Variants in DISP1 observed in about 807,000 individuals in gnomAD.
The protein encoded by DISP1 is dispatched RND transporter family member 1, also known as protein dispatched homolog 1.
In DISP1, 30 loss-of-function variants were observed where a neutral mutation model predicts 37.3. That is an observed-to-expected ratio of 0.80 (90% CI 0.60 to 1.09). The LOEUF (loss-of-function observed/expected upper bound fraction) is 1.09. DISP1 is among the 50% of genes least tolerant of loss of function. DISP1 has a pLI of 0.00. For synonymous variants in DISP1, 634 were observed against 690.2 expected, an observed-to-expected ratio of 0.92 and a Z score of 1.28; for missense variants, 1,598 against 1,879.5, an observed-to-expected ratio of 0.85 and a Z score of 2.77.
chr1:222,832,220 G>A (rs765733400), intron 1 of DISP1, among the ~76,000 whole-genome samples: 10 of 152,092 alleles, frequency 6.6e-5, no homozygotes, highest in Non-Finnish European at 1.5e-5. Flanking sequence ...GCAGTGAGCC[G>A]AGATTGCACC....
rs114605269 is a variant in DISP1, at chr1:222,819,159, C to T, written c.-159+4081C>T. Among the ~76,000 whole-genome samples the T allele has an allele frequency of 2.4e-3, 365 of 152,240 alleles. 3 individuals are homozygous for T. Among genetic ancestry groups the T allele is most frequent in the African/African-American group, 8.5e-3 (354 of 41,530 alleles). On this transcript the variant is annotated intron_variant, in intron 1 of 8. Coordinates refer to ENST00000675850, the MANE Select transcript of DISP1 (RefSeq NM_001377229.1). ...GTGTCCCACCTGCCCCTGTGCTCGT[C>T]GTTTCTCCTGCTCCAGCCATGTAGG...
chr1:222,974,719 T>C (rs948379935), intron 3 of DISP1, among the ~76,000 whole-genome samples: 1 of 152,202 alleles, frequency 6.6e-6, no homozygotes, highest in Non-Finnish European at 1.5e-5. Flanking sequence ...CATTGAGCTC[T>C]GGTGCATGAA....
intron 3 of DISP1, among the ~76,000 whole-genome samples, chr1:222,969,847 G>A (rs1399199589): frequency 6.6e-6 from 1 of 151,956 alleles, no homozygotes; most frequent in Non-Finnish European, 1.5e-5. Flanking sequence ...TAGGCTTCAG[G>A]AAAATGTGTT....
At chr1:222,816,541 A>G (rs547586584) in intron 1 of DISP1, among the ~76,000 whole-genome samples, 1 of 152,362 alleles carries the variant, frequency 6.6e-6, no homozygotes, top group East Asian at 1.9e-4. Flanking sequence ...GGTAACTTTT[A>G]GATCTGATTT....
intron 1 of DISP1, among the ~76,000 whole-genome samples, chr1:222,837,737 A>AT (rs1667331154): frequency 6.6e-6 from 1 of 152,216 alleles, no homozygotes; most frequent in Non-Finnish European, 1.5e-5. Flanking sequence ...CAAAAATATA[A>AT]TTTATCTAGA....
intron 2 of DISP1, among the ~76,000 whole-genome samples, chr1:222,941,563 T>C (rs1418900638): frequency 6.6e-6 from 1 of 152,236 alleles, no homozygotes; most frequent in East Asian, 1.9e-4. Flanking sequence ...AGGAATTTTG[T>C]CTGAAAGGTA....
chr1:222,964,261 T>C (rs1676290963), intron 3 of DISP1, among the ~76,000 whole-genome samples: 1 of 145,370 alleles, frequency 6.9e-6, no homozygotes, highest in East Asian at 2.1e-4. Flanking sequence ...ATCGCACCAC[T>C]GCACTCCAGC....
chr1:222,859,829 CTG>C (rs1179634855), intron 1 of DISP1, among the ~76,000 whole-genome samples: 2 of 152,194 alleles, frequency 1.3e-5, no homozygotes, highest in African/African-American at 2.4e-5. Context: ...GTAACCTAGA[CTG>C]TAAATTCTGG....
intron 1 of DISP1, among the ~76,000 whole-genome samples, chr1:222,861,902 G>A (rs548475482): frequency 6.6e-6 from 1 of 151,788 alleles, no homozygotes; most frequent in East Asian, 1.9e-4. Flanking sequence ...TCGTACAGTG[G>A]GGAAAATGTT....
intron 1 of DISP1, among the ~76,000 whole-genome samples, chr1:222,857,960 G>A (rs1051461189): frequency 6.6e-6 from 1 of 152,056 alleles, no homozygotes; most frequent in Non-Finnish European, 1.5e-5. Context: ...CAAAAAAGAG[G>A]TCATGTAGCC....
At chr1:222,985,604 C>A (rs1182673476) in intron 4 of DISP1, among the ~76,000 whole-genome samples, 1 of 152,014 alleles carries the variant, frequency 6.6e-6, no homozygotes, top group Non-Finnish European at 1.5e-5. Flanking sequence ...GAGCCAAGAT[C>A]GTGCCACTGC....
intron 1 of DISP1, among the ~76,000 whole-genome samples, chr1:222,846,159 A>G (rs1287278949): frequency 1.3e-5 from 2 of 152,198 alleles, no homozygotes; most frequent in Non-Finnish European, 2.9e-5. Context: ...ATGTTTGCAC[A>G]GAGAGACAAC....
At chr1:222,899,275 G>A (rs1190574949) in intron 1 of DISP1, among the ~76,000 whole-genome samples, 3 of 152,110 alleles carry the variant, frequency 2.0e-5, no homozygotes, top group African/African-American at 4.8e-5. Context: ...AATAGTCTCC[G>A]ATTCTAACAT....
intron 3 of DISP1, among the ~76,000 whole-genome samples, chr1:222,956,512 G>GT (rs1282843143): frequency 6.6e-6 from 1 of 151,862 alleles, no homozygotes; most frequent in African/African-American, 2.4e-5. Context: ...TGGTTGGTTG[G>GT]TTTTTTTCAT....
intron 3 of DISP1, 99 bp downstream of exon 3, chr1:222,943,431 C>A: frequency 2.0e-6 from 3 of 1,531,368 alleles, no homozygotes; most frequent in Non-Finnish European, 2.7e-6. Context: ...AAAAATGAGG[C>A]ACAGAAAGAA....
intron 1 of DISP1, among the ~76,000 whole-genome samples, chr1:222,863,283 G>GGCTGAGGTGGGCAGATTGCTTCA (rs150890922): frequency 0.12 from 17,617 of 151,878 alleles, 1,342 homozygotes; most frequent in Non-Finnish European, 0.16. Flanking sequence ...CACTTTGGAA[G>GGCTGAGGTGGGCAGATTGCTTCA]GCTGAGGTGG....
rs767525747 is a variant in DISP1, at chr1:223,003,741, G to A, written c.2344G>A (p.Glu782Lys). The A allele has an allele frequency of 3.1e-6, 5 of 1,613,990 alleles. No homozygotes were observed. In the East Asian group the frequency reaches 1.1e-4, roughly 36 times the overall value. The change falls in exon 9 of 9, where the codon GAG (glutamate) becomes AAG (lysine). Residue 782 changes from glutamate (E) to lysine (K), a missense_variant. Transcript: ENST00000675850. The surrounding 1 kb of genome is among the most constrained non-coding windows in gnomAD (Gnocchi z 4.3). Reference sequence around the variant, plus strand: ...GTTTGAACGTGTTCACCATGGCGAGGAGCTCCACATGCCCATCACAGTAAT... The same window carrying A: ...GTTTGAACGTGTTCACCATGGCGAGAAGCTCCACATGCCCATCACAGTAAT... ...FMFERVHHGE[E>K]LHMPITVIWG... is the part of the protein sequence containing the mutation.
chr1:222,820,393 G>A (rs1662543545), intron 1 of DISP1, among the ~76,000 whole-genome samples: 1 of 152,182 alleles, frequency 6.6e-6, no homozygotes. Context: ...ATTCACAGGG[G>A]ATATTTGAAA....
At chr1:222,850,248 T>C (rs17535179) in intron 1 of DISP1, among the ~76,000 whole-genome samples, 125,917 of 152,104 alleles carry the variant, frequency 0.83, 52,471 homozygotes, top group African/African-American at 0.93. Flanking sequence ...TTTCTCTCTT[T>C]TGCTAACCCT....
Sources: gnomAD v4.1 joint callset for allele counts (sites outside exome capture counted in the v4.1 genomes callset) on GRCh38, gnomAD v4.1.1 for gene constraint, Gnocchi (gnomAD v3.1) non-coding constraint, MANE v1.5 for transcripts, NCBI Gene and HGNC (gene_info 2026-07-23, HGNC 2026-07-21) for gene names.